Variants in LMAN1L observed in about 807,000 individuals in gnomAD.
LMAN1L encodes lectin, mannose binding 1 like.
Under a neutral mutation model 58.3 loss-of-function variants are expected in LMAN1L, and 60 were observed. The observed-to-expected ratio is 1.03, with a 90% CI of 0.84 to 1.27. LMAN1L has a LOEUF of 1.27. LMAN1L is among the 50% of genes most tolerant of loss of function. The pLI is 0.00. For synonymous variants in LMAN1L, 280 were observed against 271.6 expected (o/e 1.03, Z -0.31); for missense variants, 629 against 674.0 (o/e 0.93, Z 0.74).
intron 13 of LMAN1L, 147 bp downstream of exon 13, chr15:74,824,625 C>A (rs1596381124): frequency 1.1e-6 from 1 of 916,826 alleles, no homozygotes; most frequent in Non-Finnish European, 1.7e-6. Flanking sequence ...CGGGATAGGG[C>A]CCATTCTCTC....
chr15:74,823,434 G>T, intron 11 of LMAN1L, 125 bp from the exon 12 acceptor site: 1 of 1,028,144 alleles, frequency 9.7e-7, no homozygotes, highest in Non-Finnish European at 1.4e-6. Context: ...CCAAGAAGGG[G>T]CCCCATGGAT....
Position 74,818,819 on chromosome 15 carries a change from T to A in LMAN1L, c.597+2T>A. ...ACCTACTGGGGGCAGAGGCTGCGCG[T>A]GAGTCACCCTTCCTGCTTCTGACAG... On this transcript the variant is annotated splice_donor_variant, in intron 5 of 13. Coordinates refer to ENST00000309664, the MANE Select transcript of LMAN1L (RefSeq NM_021819.3). LOFTEE classifies it high-confidence loss of function. 3 of 1,604,530 alleles carry A rather than the reference T, an allele frequency of 1.9e-6. No individual in the cohort carries two copies. Among genetic ancestry groups the A allele is most frequent in the Non-Finnish European group, 2.6e-6 (3 of 1,175,776 alleles).
chr15:74,822,334 C>A (rs1403784709), intron 10 of LMAN1L, among the ~76,000 whole-genome samples: 2 of 152,124 alleles, frequency 1.3e-5, no homozygotes, highest in Non-Finnish European at 2.9e-5. Context: ...CCACTGCACT[C>A]CAGCCTGGCC....
At chr15:74,819,419 C>G in intron 6 of LMAN1L, 147 bp downstream of exon 6, 1 of 1,017,742 alleles carries the variant, frequency 9.8e-7, no homozygotes, top group South Asian at 1.9e-5. Flanking sequence ...TCATGTCTGC[C>G]TTGAGACTTG....
In LMAN1L at chr15:74,812,998, G is replaced by A; in HGVS notation, c.144G>A (p.Gly48=). Residue 48 remains glycine (G), a synonymous_variant, in exon 1 of 14, where the codon GGG becomes GGA. Transcript: ENST00000309664. ...SFKGPRLALP[G]AGIPFWSHHG... Reference sequence around the variant, plus strand: ...AAGGCCCAAGGCTGGCATTGCCTGGGGCTGGAATACCCTTCTGGAGCCATC... The same window carrying A: ...AAGGCCCAAGGCTGGCATTGCCTGGAGCTGGAATACCCTTCTGGAGCCATC... The A allele has an allele frequency of 1.2e-6, 2 of 1,613,946 alleles. No homozygotes were observed. Among genetic ancestry groups the A allele is most frequent in the Non-Finnish European group, 8.5e-7 (1 of 1,179,940 alleles).
intron 12 of LMAN1L, 50 bp from the exon 13 acceptor site, chr15:74,824,301 C>T (rs756703630): frequency 6.3e-7 from 1 of 1,582,800 alleles, no homozygotes; most frequent in East Asian, 2.2e-5. Flanking sequence ...AGGTCCCCCA[C>T]TCCTTCTGGG....
intron 6 of LMAN1L, chr15:74,819,482 A>T: frequency 1.6e-6 from 1 of 617,112 alleles, no homozygotes; most frequent in Non-Finnish European, 2.7e-6. Flanking sequence ...TGCTGGCCAC[A>T]TAAGTGCCCC....
rs147777806 is a variant in LMAN1L at position 74,825,334 on chromosome 15, G to A, written c.1452-142G>A. On this transcript the variant is annotated intron_variant, in intron 13 of 13. Coordinates refer to ENST00000309664, the MANE Select transcript of LMAN1L (RefSeq NM_021819.3). ...GGGGAAAGCGTGGACCATATGCAGC[G>A]GGCCAAAGGAGCCACAGAAAGTCCA... The A allele has an allele frequency of 2.4e-3, 2,078 of 853,052 alleles. 14 individuals are homozygous for A. Among genetic ancestry groups the A allele is most frequent in the Middle Eastern group, 0.02 (79 of 3,980 alleles). The allele number at this position is 853,052 out of a possible 1,614,324, so 52.8% of individuals were successfully genotyped here.
Position 74,824,243 on chromosome 15 carries a change from C to T in LMAN1L, c.1324-108C>T, listed in dbSNP as rs779608970. On this transcript the variant is annotated intron_variant, in intron 12 of 13. Coordinates refer to ENST00000309664, the MANE Select transcript of LMAN1L (RefSeq NM_021819.3). ...AGTTCCCTGGATGAGAGCCAGGACG[C>T]CCCAAGCCTGGGGAAAGGAAACGGA... 2.0e-4 allele frequency: 225 copies of T among 1,109,000 alleles called. 5 individuals are homozygous for T. In the Middle Eastern group the frequency reaches 5.6e-3, roughly 27 times the overall value. The allele number at this position is 1,109,000 out of a possible 1,614,324, so 68.7% of individuals were successfully genotyped here. A position where few individuals can be genotyped will look rare whatever the true frequency, so the allele number is the denominator to read the frequency against.
intron 7 of LMAN1L, 193 bp from the exon 8 acceptor site, chr15:74,820,442 T>TATA: frequency 4.0e-6 from 3 of 754,238 alleles, no homozygotes; most frequent in Non-Finnish European, 6.7e-6. Flanking sequence ...GACCAGCACA[T>TATA]ATAGGCTTGA....
intron 12 of LMAN1L, chr15:74,823,977 T>A: frequency 3.9e-6 from 2 of 509,472 alleles, no homozygotes; most frequent in Non-Finnish European, 3.5e-6. Flanking sequence ...GGAAACAGGG[T>A]GGGCTGTGTC....
chr15:74,824,223 C>T, intron 12 of LMAN1L, 128 bp from the exon 13 acceptor site: 2 of 861,216 alleles, frequency 2.3e-6, no homozygotes, highest in Non-Finnish European at 3.7e-6. Context: ...CTCCAAGTTC[C>T]CTGGATGAGA....
At chr15:74,814,885 AC>A (rs1210280561) in intron 1 of LMAN1L, among the ~76,000 whole-genome samples, 1 of 152,218 alleles carries the variant, frequency 6.6e-6, no homozygotes, top group Non-Finnish European at 1.5e-5. Flanking sequence ...ACAGGAGGTA[AC>A]AAAAAGGTGG....
chr15:74,820,504 G>A, intron 7 of LMAN1L, 131 bp from the exon 8 acceptor site: 1 of 1,204,946 alleles, frequency 8.3e-7, no homozygotes, highest in Non-Finnish European at 1.2e-6. Flanking sequence ...GCAGAACTCA[G>A]AGGGCTGGAA....
At chr15:74,820,392 A>T (rs964333223) in intron 7 of LMAN1L, 2 of 630,634 alleles carry the variant, frequency 3.2e-6, no homozygotes, top group Admixed American at 2.8e-5. Flanking sequence ...CAGGGGGTCA[A>T]GGAAGGCTGC....
Position 74,824,457 on chromosome 15 carries a change from T to C in LMAN1L, c.1430T>C (p.Phe477Ser), listed in dbSNP as rs2063931882. Residue 477 changes from phenylalanine (F) to serine (S), a missense_variant, in exon 13 of 14, where the codon TTC (phenylalanine) becomes TCC (serine). This residue lies in a region of LMAN1L where 3 missense variants were observed against 17.0 expected (regional missense o/e 0.18). Coordinates refer to ENST00000309664, the MANE Select transcript of LMAN1L (RefSeq NM_021819.3). ...LFYLLIQTVG[F>S]FGYVHFRQEL... Reference sequence around the variant, plus strand: ...TACCTCCTCATTCAGACTGTAGGCTTCTTCGGCTACGTGCACTTCAGGTGG... The same window carrying C: ...TACCTCCTCATTCAGACTGTAGGCTCCTTCGGCTACGTGCACTTCAGGTGG... 6.2e-7 allele frequency: 1 copy of C among 1,614,114 alleles called. No individual in the cohort carries two copies. The highest frequency in any genetic ancestry group is 1.7e-5 in the Admixed American group (1 of 60,016).
At chr15:74,819,601 G>A (rs981597343) in intron 6 of LMAN1L, 13 of 490,960 alleles carry the variant, frequency 2.6e-5, no homozygotes, top group Middle Eastern at 5.3e-4. Flanking sequence ...GTCCCACAGC[G>A]GGAAAGCTGA....
At position 74,818,666 on chromosome 15, in the gene LMAN1L, C is replaced by T. The variant is rs117209666; in HGVS notation, c.498-52C>T. 5.6e-3 allele frequency: 7,884 copies of T among 1,398,908 alleles called. 65 individuals carry two copies. The highest frequency in any genetic ancestry group is 0.026 in the South Asian group (2,091 of 81,272). 86.7% of individuals were successfully genotyped at this position (1,398,908 alleles called of 1,614,324 possible). ...CCACAACTGCACCACTGCACTCCAG[C>T]CTGGGCAGCGACTCTTTCTCAAAAA... On this transcript the variant is annotated intron_variant, in intron 4 of 13. Transcript: ENST00000309664.
chr15:74,817,263 C>A (rs2141114423), intron 4 of LMAN1L, among the ~76,000 whole-genome samples: 1 of 152,092 alleles, frequency 6.6e-6, no homozygotes, highest in South Asian at 2.1e-4. Context: ...AGGCACAGCA[C>A]CAAGCCCTTC....
Sources: allele counts gnomAD v4.1 joint callset (sites outside exome capture counted in the v4.1 genomes callset), GRCh38; gene constraint gnomAD v4.1.1; regional missense constraint gnomAD v4.1.1; transcripts MANE v1.5; gene names NCBI Gene and HGNC (gene_info 2026-07-23, HGNC 2026-07-21).